TPO: variants seen among roughly 807,000 people sequenced by gnomAD.
The protein encoded by TPO is thyroid microsomal antigen.
A neutral mutation model predicts 96.9 loss-of-function variants in TPO; 78 were observed. The observed-to-expected ratio is 0.81, with a 90% confidence interval of 0.67 to 0.97. TPO has a LOEUF of 0.97. Ranked by LOEUF, TPO falls within the 50% of genes least tolerant of loss-of-function variation. TPO has a pLI of 0.00. For synonymous variants in TPO, 547 were observed against 538.0 expected (o/e 1.02, Z -0.23); for missense variants, 1,252 against 1,274.8 (o/e 0.98, Z 0.27).
At chr2:1,411,360 G>A (rs927574996), upstream of TPO, among the ~76,000 whole-genome samples, 2 of 152,130 alleles carry the variant, frequency 1.3e-5, no homozygotes, top group Admixed American at 6.5e-5. Context: ...TTGATGTGCC[G>A]GCTCGGCCTC....
chr2:1,463,846 C>G (rs1668661701), intron 7 of TPO, among the ~76,000 whole-genome samples: 2 of 152,200 alleles, frequency 1.3e-5, no homozygotes, highest in African/African-American at 2.4e-5. Flanking sequence ...ATGTGTATCT[C>G]TAGGTACATA....
intron 5 of TPO, among the ~76,000 whole-genome samples, chr2:1,447,589 T>G (rs1666938267): frequency 6.6e-6 from 1 of 152,186 alleles, no homozygotes; most frequent in South Asian, 2.1e-4. Flanking sequence ...TCAACTATTT[T>G]ACAGAGCTTG....
rs534885744 is a variant in TPO at position 1,470,887 on chromosome 2, A to G, written c.820-6199A>G. On this transcript the variant is annotated intron_variant, in intron 7 of 16. Coordinates refer to ENST00000329066, the MANE Select transcript of TPO (RefSeq NM_001206744.2). The stretch of plus-strand genomic sequence containing the variant: ...GAGGAGGCCACAGGGCTTCCACTTC[A>G]CTTCATTATTGTGTGAGCTACACTG... Among the ~76,000 whole-genome samples the G allele has an allele frequency of 5.3e-5, 8 of 152,294 alleles. No individual in the cohort carries two copies. In the East Asian group the frequency reaches 1.5e-3, roughly 29 times the overall value.
intron 8 of TPO, among the ~76,000 whole-genome samples, chr2:1,478,888 G>A (rs1454583205): frequency 2.0e-5 from 3 of 146,614 alleles, no homozygotes; most frequent in Admixed American, 6.6e-5. Flanking sequence ...CTGTCCTAAC[G>A]CACATCCACA....
chr2:1,534,680 C>A (rs1679151665), intron 15 of TPO, among the ~76,000 whole-genome samples: 1 of 146,454 alleles, frequency 6.8e-6, no homozygotes, highest in African/African-American at 2.6e-5. Context: ...CCACTCTGTG[C>A]AACTTCCAAA....
At chr2:1,502,336 A>G (rs930558003) in intron 13 of TPO, among the ~76,000 whole-genome samples, 9 of 152,090 alleles carry the variant, frequency 5.9e-5, no homozygotes, top group Middle Eastern at 3.2e-3. Context: ...GAGACAATTA[A>G]CAGCCGATAG....
chr2:1,423,035 T>A lies in TPO; in HGVS notation c.95-10T>A. ...ATTGCGCTTTGACTGTGTGACATTC[T>A]GTTCCGTAGGAAAGCCTGAGGAGTC... On this transcript the variant is annotated splice_polypyrimidine_tract_variant and intron_variant, in intron 2 of 16. Transcript: ENST00000329066. 6.2e-7 allele frequency: 1 copy of A among 1,613,984 alleles called. No individual in the cohort carries two copies.
At chr2:1,523,690 C>T (rs1675727835) in intron 15 of TPO, among the ~76,000 whole-genome samples, 1 of 138,924 alleles carries the variant, frequency 7.2e-6, no homozygotes, top group Non-Finnish European at 1.5e-5. Context: ...TGTGTGCAGC[C>T]TCCCCAAATC....
chr2:1,519,889 G>A (rs770694148), intron 15 of TPO, among the ~76,000 whole-genome samples: 3 of 152,152 alleles, frequency 2.0e-5, no homozygotes, highest in Non-Finnish European at 2.9e-5. Flanking sequence ...AAGATTGACA[G>A]CCATAGATGA....
rs1301516025 is a variant in TPO, at chr2:1,436,397, G to A, written c.482+13G>A. 1 of 1,614,134 alleles carries A rather than the reference G, an allele frequency of 6.2e-7. No individual in the cohort carries two copies. Among genetic ancestry groups the A allele is most frequent in the East Asian group, 2.2e-5 (1 of 44,872 alleles). ...CTTGCAACAACAGGTATTGTTTGTG[G>A]ATTTTCTTAATCTTCTCGTGAAAGT... On this transcript the variant is annotated intron_variant, in intron 5 of 16. Coordinates refer to ENST00000329066, the MANE Select transcript of TPO (RefSeq NM_001206744.2).
intron 1 of TPO, among the ~76,000 whole-genome samples, chr2:1,392,912 T>C (rs1273572332): frequency 6.6e-6 from 1 of 152,168 alleles, no homozygotes; most frequent in Non-Finnish European, 1.5e-5. Flanking sequence ...AACAGATACT[T>C]AGGATGAAAA....
At chr2:1,422,830 C>A (rs915329960) in intron 2 of TPO, among the ~76,000 whole-genome samples, 4 of 152,198 alleles carry the variant, frequency 2.6e-5, no homozygotes, top group Non-Finnish European at 5.9e-5. Flanking sequence ...CTGATCCCAT[C>A]CTCCAGGCAG....
upstream of TPO, among the ~76,000 whole-genome samples, chr2:1,412,417 G>C (rs376004061): frequency 1.3e-5 from 2 of 152,094 alleles, no homozygotes; most frequent in African/African-American, 4.8e-5. Context: ...CTCAGGGTGC[G>C]TGGGGGGATT....
At chr2:1,502,234 A>G (rs1672942702) in intron 13 of TPO, among the ~76,000 whole-genome samples, 1 of 152,138 alleles carries the variant, frequency 6.6e-6, no homozygotes, top group Non-Finnish European at 1.5e-5. Flanking sequence ...GGCTGGTTCC[A>G]GGGGCAGCTT....
intron 15 of TPO, among the ~76,000 whole-genome samples, chr2:1,517,403 C>A (rs1376390609): frequency 6.6e-6 from 1 of 152,208 alleles, no homozygotes; most frequent in Non-Finnish European, 1.5e-5. Flanking sequence ...GTTGAACTTT[C>A]ATGTTAAAAA....
In TPO at chr2:1,423,130, G is replaced by A. The variant is rs761194640; in HGVS notation, c.179+1G>A. ...CCGCCATGTACGCCACGATGCAGAG[G>A]TGAGCCTTGCGGAGGGGCCGCCGCC... On this transcript the variant is annotated splice_donor_variant, in intron 3 of 16. Coordinates refer to ENST00000329066, the MANE Select transcript of TPO (RefSeq NM_001206744.2). LOFTEE classifies it high-confidence loss of function. 6.2e-7 allele frequency: 1 copy of A among 1,613,578 alleles called. No homozygotes were observed. Among genetic ancestry groups the A allele is most frequent in the Non-Finnish European group, 8.5e-7 (1 of 1,180,014 alleles).
intron 13 of TPO, among the ~76,000 whole-genome samples, chr2:1,499,711 T>A (rs1670225368): frequency 6.6e-6 from 1 of 152,176 alleles, no homozygotes; most frequent in African/African-American, 2.4e-5. Flanking sequence ...AGACTGTGTA[T>A]ATGAAGGTCT....
Position 1,496,137 on chromosome 2 carries a change from G to C in TPO, c.2155G>C (p.Glu719Gln), listed in dbSNP as rs201782331. Residue 719 changes from glutamate (E) to glutamine (Q), a missense_variant, in exon 12 of 17, where the codon GAG becomes CAG. Coordinates refer to ENST00000329066, the MANE Select transcript of TPO (RefSeq NM_001206744.2). ...FQVGKFPEDFESCDSITGMNL... is the reference protein window; with the variant it reads ...FQVGKFPEDFQSCDSITGMNL... Reference sequence around the variant, plus strand: ...AGTCGGCAAATTCCCCGAAGACTTTGAGTCTTGTGACAGCATCACTGGCAT... The same window carrying C: ...AGTCGGCAAATTCCCCGAAGACTTTCAGTCTTGTGACAGCATCACTGGCAT... 2 of 1,614,104 alleles carry C rather than the reference G, an allele frequency of 1.2e-6. No individual in the cohort carries two copies. The highest frequency in any genetic ancestry group is 1.7e-6 in the Non-Finnish European group (2 of 1,180,002).
At chr2:1,437,835 T>TG (rs28909391) in intron 5 of TPO, among the ~76,000 whole-genome samples, 4,010 of 103,158 alleles carry the variant, frequency 0.039, 160 homozygotes, top group African/African-American at 0.1. Context: ...CCCTGAAGCC[T>TG]GGGGGGGGGT....
Sources: allele counts gnomAD v4.1 joint callset (sites outside exome capture counted in the v4.1 genomes callset), GRCh38; gene constraint gnomAD v4.1.1; transcripts MANE v1.5; gene names NCBI Gene and HGNC (gene_info 2026-07-23, HGNC 2026-07-21).